The following SRRM1 variants were observed in gnomAD, a reference collection of about 807,000 sequenced individuals.
SRRM1 encodes serine/arginine repetitive matrix protein 1.
Under a neutral mutation model 110.2 loss-of-function variants are expected in SRRM1, and 19 were observed. That is an observed-to-expected ratio of 0.17 (90% CI 0.12 to 0.25). SRRM1 has a LOEUF of 0.25. Among genes scored for constraint, SRRM1 ranks in the 10% least tolerant of loss-of-function variants. SRRM1 has a pLI of 1.00. For synonymous variants in SRRM1, 443 were observed against 414.9 expected (o/e 1.07, Z -0.82); for missense variants, 918 against 1,145.8 (o/e 0.80, Z 2.87).
In SRRM1 at chr1:24,649,025, G is replaced by A. The variant is rs1256859222; in HGVS notation, c.401G>A (p.Arg134Lys). The part of the protein sequence containing the change: ...LELKKEEIKQ[R>K]QIEQEKLASM... ...CTGAAGAAAGAAGAAATAAAACAAA[G>A]ACAGGTAATAACCTTTTCTTTTCTG... The change falls in exon 4 of 17, where the codon AGA (arginine) becomes AAA (lysine). Residue 134 changes from arginine to lysine, a missense_variant. Arg to Lys is a conservative substitution (Grantham distance 26). Coordinates refer to ENST00000323848, the MANE Select transcript of SRRM1 (RefSeq NM_005839.4). 2 of 1,611,968 alleles carry A rather than the reference G, an allele frequency of 1.2e-6. No homozygotes were observed. The highest frequency in any genetic ancestry group is 1.7e-6 in the Non-Finnish European group (2 of 1,179,570).
At chr1:24,663,911 TAATAAATA>T (rs902161886) in intron 12 of SRRM1, among the ~76,000 whole-genome samples, 4 of 122,678 alleles carry the variant, frequency 3.3e-5, no homozygotes, top group African/African-American at 1.3e-4. Flanking sequence ...ATAATAATAA[TAATAAATA>T]AAAGCGAATG....
chr1:24,662,938 G>A, intron 12 of SRRM1, 134 bp downstream of exon 12: 2 of 1,280,308 alleles, frequency 1.6e-6, no homozygotes, highest in East Asian at 4.8e-5. Context: ...TGCTTTTTAG[G>A]GTTTCTGTTT....
chr1:24,651,630 C>A lies in SRRM1; in HGVS notation c.725+18C>A. The A allele has an allele frequency of 6.4e-7, 1 of 1,556,436 alleles. No individual in the cohort carries two copies. ...TCTACTAGGCAAGTATATAAAAATT[C>A]ATTTATAAATAATCACAATTTTAGA... On this transcript the variant is annotated intron_variant, in intron 6 of 16. Coordinates refer to ENST00000323848, the MANE Select transcript of SRRM1 (RefSeq NM_005839.4).
At chr1:24,646,645 A>C in intron 2 of SRRM1, 22 bp from the exon 3 acceptor site, 1 of 1,560,620 alleles carries the variant, frequency 6.4e-7, no homozygotes, top group Non-Finnish European at 8.6e-7. Context: ...AGTTGTACTT[A>C]ATTGTTTCTA....
chr1:24,662,831 A>T (rs373815151), intron 12 of SRRM1, 27 bp downstream of exon 12: 132 of 1,610,008 alleles, frequency 8.2e-5, no homozygotes, highest in Non-Finnish European at 1.0e-4. Flanking sequence ...AGTGATGTTC[A>T]CTGATGTTCT....
chr1:24,648,832 T>G, intron 3 of SRRM1, 27 bp from the exon 4 acceptor site: 2 of 1,602,872 alleles, frequency 1.2e-6, no homozygotes, highest in Non-Finnish European at 1.7e-6. Flanking sequence ...AGTAACCTGT[T>G]TTTCTTCCTG....
rs1671888500 is a variant in SRRM1 at position 24,669,919 on chromosome 1, AATAG to A, written c.2205-195_2205-192del. 1.2e-5 allele frequency: 7 copies of A among 582,360 alleles called. No individual in the cohort carries two copies. In the South Asian group the frequency reaches 1.2e-4, roughly 10 times the overall value. 36.1% of individuals were successfully genotyped at this position (582,360 alleles called of 1,614,324 possible). On this transcript the variant is annotated intron_variant, in intron 14 of 16. Transcript: ENST00000323848. ...CTTACATAAGAAGCATCATTAACAG[AATAG>A]ATAGAGGATTATGGGGCTTTAGCCA...
At chr1:24,658,555 T>C (rs1039681058) in intron 9 of SRRM1, among the ~76,000 whole-genome samples, 1 of 152,162 alleles carries the variant, frequency 6.6e-6, no homozygotes, top group African/African-American at 2.4e-5. Context: ...ATTTTTAATG[T>C]TTCTTAGGGG....
intron 2 of SRRM1, 116 bp downstream of exon 2, chr1:24,646,189 A>C: frequency 1.3e-6 from 1 of 756,262 alleles, no homozygotes; most frequent in East Asian, 2.7e-5. Context: ...ATAATTGAAC[A>C]TTAACCACCT....
chr1:24,650,462 C>A (rs1417721715), intron 5 of SRRM1: 1 of 154,330 alleles, frequency 6.5e-6, no homozygotes, highest in African/African-American at 2.4e-5. Flanking sequence ...AATCTGTACT[C>A]ATTAGCCGTT....
Position 24,646,092 on chromosome 1 carries a change from C to A in SRRM1, c.111+19C>A. 6.3e-7 allele frequency: 1 copy of A among 1,578,246 alleles called. No homozygotes were observed. Among genetic ancestry groups the A allele is most frequent in the Non-Finnish European group, 8.7e-7 (1 of 1,148,878 alleles). The stretch of plus-strand genomic sequence containing the variant: ...AAAAAAGGTATTCTTCTGGATGAGA[C>A]TGTTGTGCATCTTTATAGCACACTT... On this transcript the variant is annotated intron_variant, in intron 2 of 16. Coordinates refer to ENST00000323848, the MANE Select transcript of SRRM1 (RefSeq NM_005839.4).
Position 24,646,856 on chromosome 1 carries a change from A to AT in SRRM1, c.234+73dup, listed in dbSNP as rs1413757036. On this transcript the variant is annotated intron_variant, in intron 3 of 16. Coordinates refer to ENST00000323848, the MANE Select transcript of SRRM1 (RefSeq NM_005839.4). ...TAATTTGTGAATCTTTGGAAACTGA[A>AT]TTTTTTCTATGGAGTGCAAATATAG... The AT allele has an allele frequency of 7.3e-6, 10 of 1,366,472 alleles. No homozygotes were observed. The African/African-American group carries it at 1.2e-4, about 16-fold the overall frequency. The allele number at this position is 1,366,472 out of a possible 1,614,324, so 84.6% of individuals were successfully genotyped here. A position where few individuals can be genotyped will look rare whatever the true frequency, so the allele number is the denominator to read the frequency against.
At chr1:24,647,024 G>T in intron 3 of SRRM1, 1 of 354,926 alleles carries the variant, frequency 2.8e-6, no homozygotes, top group Non-Finnish European at 5.0e-6. Context: ...GCTGTTACAT[G>T]TTAAGTTACT....
intron 12 of SRRM1, chr1:24,663,252 G>C: frequency 6.8e-7 from 1 of 1,471,096 alleles, no homozygotes; most frequent in Non-Finnish European, 9.1e-7. Context: ...TTGTAAATTA[G>C]GGTTACATGT....
chr1:24,643,524 C>T (rs1457244262), intron 1 of SRRM1, 177 bp downstream of exon 1: 7 of 511,636 alleles, frequency 1.4e-5, no homozygotes, highest in East Asian at 3.6e-5. Context: ...CCGGTGCGCC[C>T]CTGCGCAGTC....
chr1:24,651,998 G>A (rs1308802587), intron 6 of SRRM1, among the ~76,000 whole-genome samples: 1 of 134,288 alleles, frequency 7.4e-6, no homozygotes, highest in African/African-American at 2.7e-5. Flanking sequence ...AGCAGCCTGG[G>A]GCAACATGGT....
intron 15 of SRRM1, among the ~76,000 whole-genome samples, chr1:24,670,899 G>A (rs1672389409): frequency 1.3e-5 from 2 of 152,344 alleles, no homozygotes; most frequent in African/African-American, 2.4e-5. Flanking sequence ...TGGTATGTGT[G>A]TCATGAGGAA....
intron 1 of SRRM1, among the ~76,000 whole-genome samples, chr1:24,644,495 G>C (rs1656116955): frequency 6.6e-6 from 1 of 152,226 alleles, no homozygotes; most frequent in South Asian, 2.1e-4. Flanking sequence ...AGGAGGGCCA[G>C]AACTTTAGTA....
At chr1:24,649,850 G>C in intron 4 of SRRM1, 121 bp from the exon 5 acceptor site, 1 of 805,280 alleles carries the variant, frequency 1.2e-6, no homozygotes, top group Non-Finnish European at 1.9e-6. Context: ...GAACAGGTCT[G>C]GTTCAAAAGA....
Sources: gnomAD v4.1 joint callset for allele counts (sites outside exome capture counted in the v4.1 genomes callset) on GRCh38, gnomAD v4.1.1 for gene constraint, MANE v1.5 for transcripts, NCBI Gene and HGNC (gene_info 2026-07-23, HGNC 2026-07-21) for gene names.